Variants in PTPRD observed in about 807,000 individuals in gnomAD.
PTPRD encodes the protein receptor-type tyrosine-protein phosphatase delta.
PTPRD carries 34 observed loss-of-function variants against 214.5 expected under a neutral mutation model. The ratio of observed to expected loss-of-function variants is 0.16; its 90% CI spans 0.12 to 0.21. PTPRD has a LOEUF of 0.21. PTPRD is among the 10% of genes least tolerant of loss of function. PTPRD has a pLI of 1.00. For missense variants in PTPRD, 2,545 were observed against 2,398.7 expected (o/e 1.06, Z -1.27); for synonymous variants, 1,128 against 845.7 (o/e 1.33, Z -5.79).
intron 2 of PTPRD, among the ~76,000 whole-genome samples, chr9:10,358,936 G>T (rs142733757): frequency 2.6e-5 from 4 of 151,988 alleles, no homozygotes; most frequent in South Asian, 2.1e-4. Context: ...GTATGCAAAG[G>T]TCATTTGTAA....
rs975656742 is a variant in PTPRD, at chr9:9,009,167, A to G, written c.-104+9530T>C. 1.3e-5 allele frequency among the ~76,000 whole-genome samples: 2 copies of G among 152,064 alleles called. 1 individual carries two copies. Among genetic ancestry groups the G allele is most frequent in the South Asian group, 4.1e-4 (2 of 4,822 alleles). ...TTTAGGATTTTTTTTTCCAATATCT[A>G]TCTCAATATTTTGTTTGATATTTAC... On this transcript the variant is annotated intron_variant, in intron 11 of 45. Coordinates refer to ENST00000381196, the MANE Select transcript of PTPRD (RefSeq NM_002839.4).
At chr9:10,471,733 C>T (rs1336146858) in intron 2 of PTPRD, among the ~76,000 whole-genome samples, 5 of 151,834 alleles carry the variant, frequency 3.3e-5, no homozygotes, top group Admixed American at 2.6e-4. Context: ...AAGAAGTCAT[C>T]GTTATAGTAA....
At chr9:8,779,294 C>A (rs1004145510) in intron 11 of PTPRD, among the ~76,000 whole-genome samples, 1 of 152,086 alleles carries the variant, frequency 6.6e-6, no homozygotes, top group Non-Finnish European at 1.5e-5. Flanking sequence ...CTTTTTGGAA[C>A]CTGTTCTACC....
intron 7 of PTPRD, among the ~76,000 whole-genome samples, chr9:9,594,267 T>C (rs1264689759): frequency 6.6e-6 from 1 of 152,078 alleles, no homozygotes; most frequent in Non-Finnish European, 1.5e-5. Context: ...ATAATGGAGT[T>C]AATTTAAAAT....
At chr9:10,567,727 AT>A (rs2066058460) in intron 2 of PTPRD, among the ~76,000 whole-genome samples, 1 of 151,704 alleles carries the variant, frequency 6.6e-6, no homozygotes, top group African/African-American at 2.4e-5. Flanking sequence ...CCAAATAATT[AT>A]TTGTCTCTGA....
chr9:10,538,391 T>G (rs956495986), intron 2 of PTPRD, among the ~76,000 whole-genome samples: 8 of 152,108 alleles, frequency 5.3e-5, no homozygotes, highest in Admixed American at 2.6e-4. Flanking sequence ...CTCTCTATTC[T>G]TCATCTAAGG....
intron 35 of PTPRD, 60 bp downstream of exon 35, chr9:8,436,532 G>C (rs1279922709): frequency 7.6e-6 from 10 of 1,314,320 alleles, no homozygotes; most frequent in Middle Eastern, 3.6e-4. Context: ...CAAGAATATG[G>C]TCAAAAAAAG....
At chr9:8,835,335 T>G (rs867573100) in intron 11 of PTPRD, among the ~76,000 whole-genome samples, 6 of 152,332 alleles carry the variant, frequency 3.9e-5, no homozygotes, top group South Asian at 4.1e-4. Context: ...GGAGAAAATT[T>G]GCTTTTCAAA....
intron 11 of PTPRD, among the ~76,000 whole-genome samples, chr9:8,879,272 T>C (rs1444963546): frequency 6.6e-6 from 1 of 152,192 alleles, no homozygotes; most frequent in Non-Finnish European, 1.5e-5. Context: ...TTGTTCCTGT[T>C]ATCCTGGTTT....
intron 12 of PTPRD, among the ~76,000 whole-genome samples, chr9:8,676,965 A>G (rs1023967796): frequency 6.6e-6 from 1 of 152,228 alleles, no homozygotes; most frequent in African/African-American, 2.4e-5. Flanking sequence ...GAATGCCTGA[A>G]TGAAATGAAC....
In PTPRD at chr9:10,535,985, G is replaced by C. The variant is rs193300327; in HGVS notation, c.-600+76413C>G. On this transcript the variant is annotated intron_variant, in intron 2 of 45. Coordinates refer to ENST00000381196, the MANE Select transcript of PTPRD (RefSeq NM_002839.4). ...TTCAAAAATCAAAGGAAAGTATTTG[G>C]GGAAATAATAACCGTGAAGAGGGTA... Among the ~76,000 whole-genome samples the C allele has an allele frequency of 3.4e-3, 514 of 152,186 alleles. 1 individual carries two copies. Among genetic ancestry groups the C allele is most frequent in the Non-Finnish European group, 5.7e-3 (389 of 68,006 alleles).
At chr9:9,587,332 T>C (rs904275626) in intron 7 of PTPRD, among the ~76,000 whole-genome samples, 4 of 152,010 alleles carry the variant, frequency 2.6e-5, no homozygotes, top group African/African-American at 9.7e-5. Flanking sequence ...GAAATCCTCC[T>C]AACAACTCTA....
chr9:9,163,105 T>A (rs1212369902), intron 10 of PTPRD, among the ~76,000 whole-genome samples: 3 of 152,096 alleles, frequency 2.0e-5, no homozygotes, highest in Non-Finnish European at 4.4e-5. Flanking sequence ...GTTCTAGTCT[T>A]TTTCTCCACC....
At chr9:9,909,510 A>C (rs548101259) in intron 5 of PTPRD, among the ~76,000 whole-genome samples, 118 of 152,034 alleles carry the variant, frequency 7.8e-4, no homozygotes, top group African/African-American at 2.8e-3. Flanking sequence ...TAACCCCTCC[A>C]TTCTAAATGC....
At position 8,486,255 on chromosome 9, in the gene PTPRD, C is replaced by T. The variant is rs1200808746; in HGVS notation, c.2562G>A (p.Gln854=). The part of the protein sequence containing the change: ...HPPVDTFGPL[Q]GYRLKFGRKD... ...TGCGGCCAAATTTTAGACGGTAGCCCTGAAGAGGTCCAAATGTGTCCACCG... is the reference window on the plus strand; with the variant it reads ...TGCGGCCAAATTTTAGACGGTAGCCTTGAAGAGGTCCAAATGTGTCCACCG... The change falls in exon 28 of 46, where the codon CAG becomes CAA. Residue 854 remains glutamine (Q), a synonymous_variant. Coordinates refer to ENST00000381196, the MANE Select transcript of PTPRD (RefSeq NM_002839.4). The T allele has an allele frequency of 1.3e-5, 21 of 1,614,026 alleles. No individual in the cohort carries two copies. Among genetic ancestry groups the T allele is most frequent in the Non-Finnish European group, 1.7e-5 (20 of 1,180,028 alleles).
intron 16 of PTPRD, 68 bp downstream of exon 16, chr9:8,527,277 T>TAAG (rs1196899502): frequency 1.1e-5 from 16 of 1,462,208 alleles, no homozygotes; most frequent in Non-Finnish European, 1.5e-5. Context: ...ATTTTATTAA[T>TAAG]AATAATAATA....
At chr9:9,862,933 T>A (rs1600136538) in intron 5 of PTPRD, among the ~76,000 whole-genome samples, 1 of 151,422 alleles carries the variant, frequency 6.6e-6, no homozygotes, top group African/African-American at 2.4e-5. Context: ...GAAATTCACC[T>A]TATTTCATAA....
intron 4 of PTPRD, among the ~76,000 whole-genome samples, chr9:9,976,418 G>C (rs565727830): frequency 7.2e-5 from 11 of 151,784 alleles, no homozygotes; most frequent in Non-Finnish European, 1.2e-4. Flanking sequence ...ACAGAGTCTT[G>C]CTCTGTCACC....
At chr9:9,517,801 T>C (rs747918416) in intron 8 of PTPRD, among the ~76,000 whole-genome samples, 1 of 152,034 alleles carries the variant, frequency 6.6e-6, no homozygotes, top group Non-Finnish European at 1.5e-5. Flanking sequence ...ACCCTAATTT[T>C]GAAAATAATT....
Sources: gnomAD v4.1 joint callset for allele counts (sites outside exome capture counted in the v4.1 genomes callset) on GRCh38, gnomAD v4.1.1 for gene constraint, MANE v1.5 for transcripts, NCBI Gene and HGNC (gene_info 2026-07-23, HGNC 2026-07-21) for gene names.